MRC2: variants seen among roughly 807,000 people sequenced by gnomAD.
MRC2 encodes the protein C-type mannose receptor 2.
In MRC2, 84 loss-of-function variants were observed where a neutral mutation model predicts 206.2. The observed-to-expected ratio is 0.41, with a 90% CI of 0.34 to 0.49. MRC2 has a LOEUF of 0.49. MRC2 is among the 20% of genes least tolerant of loss of function. The pLI is 0.31. For synonymous variants in MRC2, 798 were observed against 800.0 expected (o/e 1.00, Z 0.04); for missense variants, 1,676 against 2,001.5 (o/e 0.84, Z 3.10).
chr17:62,655,315 GT>G (rs201093917), intron 1 of MRC2, among the ~76,000 whole-genome samples: 1,801 of 149,974 alleles, frequency 0.012, 29 homozygotes, highest in African/African-American at 0.041. Flanking sequence ...GCCAAGGTGG[GT>G]AGATCACGAG....
chr17:62,677,310 G>A lies in MRC2; in HGVS notation c.1876G>A (p.Ala626Thr), dbSNP rs544466816. The A allele has an allele frequency of 1.1e-5, 17 of 1,606,230 alleles. No homozygotes were observed. The highest frequency in any genetic ancestry group is 1.7e-4 in the Middle Eastern group (1 of 6,058). ...CTGCGTGGCGCTGGCCACTGGCAGC[G>A]CCATGGGGCTGTGGGAGGTGAAGAA... ...GGCVALATGSAMGLWEVKNCT... is the reference protein window; with the variant it reads ...GGCVALATGSTMGLWEVKNCT... The change falls in exon 12 of 30, where the codon GCC becomes ACC. Residue 626 changes from alanine (A) to threonine (T), a missense_variant. Around this residue, in one of 3 missense-constraint regions of MRC2, gnomAD observed 1,354 missense variants for 1,636.6 expected, o/e 0.83. Transcript: ENST00000303375.
intron 1 of MRC2, among the ~76,000 whole-genome samples, chr17:62,650,998 T>C (rs2088549510): frequency 6.6e-6 from 1 of 152,216 alleles, no homozygotes; most frequent in Non-Finnish European, 1.5e-5. Flanking sequence ...CACTTAACCT[T>C]TCTGTGTTCA....
intron 22 of MRC2, 41 bp downstream of exon 22, chr17:62,688,705 C>T: frequency 6.2e-7 from 1 of 1,604,636 alleles, no homozygotes; most frequent in Non-Finnish European, 8.5e-7. Flanking sequence ...CCGCGCTGCC[C>T]TAAGCCTGTG....
intron 1 of MRC2, among the ~76,000 whole-genome samples, chr17:62,629,755 A>G (rs1297816461): frequency 6.6e-6 from 1 of 152,182 alleles, no homozygotes; most frequent in Non-Finnish European, 1.5e-5. Context: ...GTACCTGGTG[A>G]ATTACGTTGT....
chr17:62,648,178 C>T lies in MRC2; in HGVS notation c.119-16370C>T, dbSNP rs548856102. Among the ~76,000 whole-genome samples the T allele has an allele frequency of 1.4e-4, 21 of 152,318 alleles. No individual in the cohort carries two copies. In the South Asian group the frequency reaches 1.5e-3, roughly 11 times the overall value. ...CAGCACTTTGAGAGGCCCAGGCGGG[C>T]GGATCACTTGAGGTCAGGAGTTCGA... On this transcript the variant is annotated intron_variant, in intron 1 of 29. Transcript: ENST00000303375.
rs1232517048 is a variant in MRC2 at position 62,690,651 on chromosome 17, C to G, written c.3902C>G (p.Ala1301Gly). The change falls in exon 27 of 30, where the codon GCC (alanine) becomes GGC (glycine). Residue 1301 changes from alanine (A) to glycine (G), a missense_variant. Ala to Gly is a moderately conservative substitution (Grantham distance 60). Around this residue, in one of 3 missense-constraint regions of MRC2, gnomAD observed 1,354 missense variants for 1,636.6 expected, o/e 0.83. Transcript: ENST00000303375. Reference sequence around the variant, plus strand: ...CCTTCTTTGCATCCAGCGGGTGGGGCCGTCCTGTCTATCCTGGATGAGATG... The same window carrying G: ...CCTTCTTTGCATCCAGCGGGTGGGGGCGTCCTGTCTATCCTGGATGAGATG... ...ARQRCQRAGG[A>G]VLSILDEMEN... 1.8e-5 allele frequency: 29 copies of G among 1,607,816 alleles called. No individual in the cohort carries two copies. Among genetic ancestry groups the G allele is most frequent in the Non-Finnish European group, 2.4e-5 (28 of 1,177,064 alleles).
At chr17:62,643,778 AAAGT>A (rs1480809847) in intron 1 of MRC2, among the ~76,000 whole-genome samples, 1 of 152,240 alleles carries the variant, frequency 6.6e-6, no homozygotes, top group African/African-American at 2.4e-5. Flanking sequence ...TTTATAAGTT[AAAGT>A]AATAGCTAGG....
At chr17:62,684,671 T>C (rs1292840198) in intron 20 of MRC2, among the ~76,000 whole-genome samples, 1 of 152,204 alleles carries the variant, frequency 6.6e-6, no homozygotes, top group African/African-American at 2.4e-5. Context: ...GCCAGGGTAA[T>C]TGGCATTAAT....
At chr17:62,681,355 G>A in intron 18 of MRC2, 1 of 594,962 alleles carries the variant, frequency 1.7e-6, no homozygotes, top group Admixed American at 3.0e-5. Context: ...TATGCGAAGT[G>A]CTTACGCAGC....
At chr17:62,688,768 T>G in intron 22 of MRC2, 84 bp from the exon 23 acceptor site, 1 of 1,589,688 alleles carries the variant, frequency 6.3e-7, no homozygotes, top group Non-Finnish European at 8.6e-7. Context: ...TCTTCCAGCC[T>G]CTTTGCTCAC....
chr17:62,684,850 A>G (rs950736485), intron 20 of MRC2, among the ~76,000 whole-genome samples: 13 of 152,178 alleles, frequency 8.5e-5, no homozygotes, highest in African/African-American at 2.9e-4. Flanking sequence ...ATTCAAAAGA[A>G]CATTACACGG....
chr17:62,632,902 GC>G (rs948220492), intron 1 of MRC2, among the ~76,000 whole-genome samples: 24 of 152,296 alleles, frequency 1.6e-4, no homozygotes, highest in African/African-American at 5.1e-4. Context: ...CTGAGCAGTG[GC>G]CCCTTCCTCC....
At chr17:62,633,027 A>G (rs1029593024) in intron 1 of MRC2, among the ~76,000 whole-genome samples, 5 of 152,180 alleles carry the variant, frequency 3.3e-5, no homozygotes, top group South Asian at 2.1e-4. Flanking sequence ...CTCACCAGCT[A>G]TGTGACCTCA....
intron 27 of MRC2, 57 bp from the exon 28 acceptor site, chr17:62,690,892 C>G: frequency 6.6e-7 from 1 of 1,508,770 alleles, no homozygotes; most frequent in Non-Finnish European, 8.9e-7. Flanking sequence ...ACCTGCTCTC[C>G]TCCACCTACT....
In MRC2 at chr17:62,675,015, C is replaced by T. The variant is rs1410566869; in HGVS notation, c.1570-775C>T. 6.6e-6 allele frequency among the ~76,000 whole-genome samples: 1 copy of T among 152,178 alleles called. No homozygotes were observed. The highest frequency in any genetic ancestry group is 1.5e-5 in the Non-Finnish European group (1 of 68,014). On this transcript the variant is annotated intron_variant, in intron 9 of 29. Transcript: ENST00000303375. This position sits in a 1 kb window ranked among gnomAD's most constrained non-coding sequence, Gnocchi z 4.1. ...AGGCATGGCCCCATGGGCGAGGAAG[C>T]AGAGGGGAGAGCAGAGCCCAGCTGC...
chr17:62,661,695 A>G (rs1232875784), intron 1 of MRC2: 3 of 152,180 alleles, frequency 2.0e-5, no homozygotes, highest in South Asian at 2.1e-4. Flanking sequence ...TGAACAACCA[A>G]TTGAGATAAC....
intron 2 of MRC2, among the ~76,000 whole-genome samples, chr17:62,665,881 A>T (rs2088746635): frequency 6.6e-6 from 1 of 152,122 alleles, no homozygotes; most frequent in Non-Finnish European, 1.5e-5. Context: ...CAGCCCTATG[A>T]GGTGTGCAGC....
chr17:62,656,619 C>T (rs2088622251), intron 1 of MRC2, among the ~76,000 whole-genome samples: 1 of 152,244 alleles, frequency 6.6e-6, no homozygotes, highest in Admixed American at 6.5e-5. Flanking sequence ...AGCCTCCAGG[C>T]ACCTCCTCTG....
In MRC2 at chr17:62,666,159, C is replaced by G; in HGVS notation, c.586C>G (p.Gln196Glu). The G allele has an allele frequency of 6.2e-7, 1 of 1,600,160 alleles. No individual in the cohort carries two copies. Among genetic ancestry groups the G allele is most frequent in the Non-Finnish European group, 8.5e-7 (1 of 1,173,304 alleles). ...CACCATCCCCTTCAAATATGACAAC[C>G]AGTGGTTCCACGGCTGCACCAGCAC... ...PCTIPFKYDN[Q>E]WFHGCTSTGR... is the part of the protein sequence containing the mutation. The change falls in exon 3 of 30, where the codon CAG becomes GAG. Residue 196 changes from glutamine to glutamate, a missense_variant. Physicochemically the swap from Gln to Glu is conservative, Grantham distance 29. Around this residue, in one of 3 missense-constraint regions of MRC2, gnomAD observed 318 missense variants for 346.7 expected, o/e 0.92. Transcript: ENST00000303375. This position sits in a 1 kb window ranked among gnomAD's most constrained non-coding sequence, Gnocchi z 5.0.
Sources: allele counts gnomAD v4.1 joint callset (sites outside exome capture counted in the v4.1 genomes callset), GRCh38; gene constraint gnomAD v4.1.1; regional missense constraint gnomAD v4.1.1; non-coding constraint Gnocchi (gnomAD v3.1); transcripts MANE v1.5; gene names NCBI Gene and HGNC (gene_info 2026-07-23, HGNC 2026-07-21).